Variants in PDCD1LG2 observed in about 807,000 individuals in gnomAD.
PDCD1LG2 encodes B7 dendritic cell molecule.
Under a neutral mutation model 28.2 loss-of-function variants are expected in PDCD1LG2, and 32 were observed. That is an observed-to-expected ratio of 1.13 (90% CI 0.86 to 1.52). PDCD1LG2 has a LOEUF of 1.52. Among genes scored for constraint, PDCD1LG2 ranks in the 40% most tolerant of loss-of-function variants. PDCD1LG2 has a pLI of 0.00. For synonymous variants in PDCD1LG2, 116 were observed against 120.2 expected, an observed-to-expected ratio of 0.97 and a Z score of 0.23; for missense variants, 385 against 323.8, an observed-to-expected ratio of 1.19 and a Z score of -1.45.
Position 5,543,340 on chromosome 9 carries a change from T to C in PDCD1LG2, c.362-5995T>C, listed in dbSNP as rs368261416. Among the ~76,000 whole-genome samples, 957 of 151,870 alleles carry C rather than the reference T, an allele frequency of 6.3e-3. 6 individuals carry two copies. Among genetic ancestry groups the C allele is most frequent in the Middle Eastern group, 0.017 (5 of 294 alleles). On this transcript the variant is annotated intron_variant, in intron 3 of 6. Transcript: ENST00000397747. The stretch of plus-strand genomic sequence containing the variant: ...AGATCACGAGGTCAGGAGATCAAGA[T>C]CATCCTGGCTAACACGGTGAAACCC...
chr9:5,529,206 C>T (rs904146637), intron 2 of PDCD1LG2, among the ~76,000 whole-genome samples: 2 of 152,162 alleles, frequency 1.3e-5, no homozygotes. Flanking sequence ...CTTTTGGTAT[C>T]ATATCCAAAA....
intron 3 of PDCD1LG2, among the ~76,000 whole-genome samples, chr9:5,537,224 G>A (rs564795151): frequency 2.6e-5 from 4 of 152,146 alleles, no homozygotes; most frequent in South Asian, 2.1e-4. Context: ...TTACTCATAC[G>A]AACAAGATTC....
chr9:5,520,014 T>A (rs1323481741), intron 1 of PDCD1LG2, among the ~76,000 whole-genome samples: 1 of 152,248 alleles, frequency 6.6e-6, no homozygotes. Context: ...TTCCCCAAAT[T>A]GATCTATGGA....
chr9:5,567,225 G>C (rs1015372160), intron 6 of PDCD1LG2, among the ~76,000 whole-genome samples: 5 of 152,174 alleles, frequency 3.3e-5, no homozygotes, highest in African/African-American at 1.2e-4. Flanking sequence ...TGTCTTAGTT[G>C]CCTTTCAAAG....
chr9:5,514,558 T>C (rs1262721619), intron 1 of PDCD1LG2, among the ~76,000 whole-genome samples: 1 of 152,026 alleles, frequency 6.6e-6, no homozygotes, highest in African/African-American at 2.4e-5. Context: ...TGCAATTGAG[T>C]AAATTGATAC....
Position 5,570,953 on chromosome 9 carries a change from G to T in PDCD1LG2, c.*994G>T, listed in dbSNP as rs1816758291. 4.3e-6 allele frequency: 1 copy of T among 232,652 alleles called. No homozygotes were observed. The highest frequency in any genetic ancestry group is 5.6e-5 in the Admixed American group (1 of 17,774). The allele number at this position is 232,652 out of a possible 1,614,324, so 14.4% of individuals were successfully genotyped here. A position where few individuals can be genotyped will look rare whatever the true frequency, so the allele number is the denominator to read the frequency against. On this transcript the variant is annotated 3_prime_UTR_variant, in exon 7 of 7. Coordinates refer to ENST00000397747, the MANE Select transcript of PDCD1LG2 (RefSeq NM_025239.4). Reference sequence around the variant, plus strand: ...CTGCAAGATCCCACTACATATGTGTGGAGCAGAAGGGTAACTCGGCTACAG... The same window carrying T: ...CTGCAAGATCCCACTACATATGTGTTGAGCAGAAGGGTAACTCGGCTACAG...
rs941236320 is a variant in PDCD1LG2 at position 5,522,596 on chromosome 9, T to C, written c.50T>C (p.Ile17Thr). ...MLSLELQLHQ[I>T]AALFTVTVPK... Reference sequence around the variant, plus strand: ...AGCCTGGAATTGCAGCTTCACCAGATAGCAGGTAAGAAAGGACAAAGGGAG... The same window carrying C: ...AGCCTGGAATTGCAGCTTCACCAGACAGCAGGTAAGAAAGGACAAAGGGAG... The change falls in exon 2 of 7, where the codon ATA (isoleucine) becomes ACA (threonine). Residue 17 changes from isoleucine (I) to threonine (T), a missense_variant. Physicochemically the swap from Ile to Thr is moderately conservative, Grantham distance 89. Transcript: ENST00000397747. 2 of 1,613,478 alleles carry C rather than the reference T, an allele frequency of 1.2e-6. No homozygotes were observed. The highest frequency in any genetic ancestry group is 2.7e-5 in the African/African-American group (2 of 74,892).
intron 1 of PDCD1LG2, among the ~76,000 whole-genome samples, chr9:5,516,292 T>A (rs1385689793): frequency 6.6e-6 from 1 of 152,132 alleles, no homozygotes; most frequent in Non-Finnish European, 1.5e-5. Context: ...ACCTCGTGAT[T>A]TTCCTGCCTC....
At position 5,518,211 on chromosome 9, in the gene PDCD1LG2, C is replaced by T. The variant is rs113069651; in HGVS notation, c.-14-4322C>T. Among the ~76,000 whole-genome samples the T allele has an allele frequency of 4.0e-3, 610 of 152,332 alleles. 2 individuals are homozygous for T. The highest frequency in any genetic ancestry group is 0.01 in the Middle Eastern group (3 of 294). On this transcript the variant is annotated intron_variant, in intron 1 of 6. Transcript: ENST00000397747. ...AAACCAGGATTAAACCCAGATGTGT[C>T]TGATTTTAGAGCCTGAGCTCTTACT...
intron 2 of PDCD1LG2, among the ~76,000 whole-genome samples, chr9:5,523,365 T>C (rs1190741791): frequency 3.3e-5 from 5 of 152,128 alleles, no homozygotes; most frequent in Non-Finnish European, 5.9e-5. Context: ...CTCAAGACAA[T>C]AGCCCCAGCC....
intron 5 of PDCD1LG2, among the ~76,000 whole-genome samples, chr9:5,558,389 T>C (rs1285930832): frequency 6.6e-6 from 1 of 152,220 alleles, no homozygotes; most frequent in African/African-American, 2.4e-5. Context: ...TCAGCCCTGA[T>C]TTCATTGCTT....
At chr9:5,519,861 G>T (rs1820241186) in intron 1 of PDCD1LG2, among the ~76,000 whole-genome samples, 1 of 152,098 alleles carries the variant, frequency 6.6e-6, no homozygotes, top group South Asian at 2.1e-4. Flanking sequence ...AATTTTCCCA[G>T]ATTTCCCTCT....
chr9:5,563,163 C>T lies in PDCD1LG2; in HGVS notation c.768C>T (p.Asp256=), dbSNP rs1395122038. The T allele has an allele frequency of 1.9e-6, 3 of 1,610,034 alleles. No homozygotes were observed. In the African/African-American group the frequency reaches 4.0e-5, roughly 22 times the overall value. Residue 256 remains aspartate (D), a splice_region_variant and synonymous_variant, in exon 6 of 7, where the codon GAC becomes GAT. Coordinates refer to ENST00000397747, the MANE Select transcript of PDCD1LG2 (RefSeq NM_025239.4). ...ATTTCTGGAATTTTTCCTTTTCAGA[C>T]ACAACAAAAAGACCTGTCACCACAA... ...QLCQKLYSSK[D]TTKRPVTTTK... is the part of the protein sequence containing the mutation.
chr9:5,557,888 T>G, intron 5 of PDCD1LG2, 136 bp downstream of exon 5: 3 of 1,086,500 alleles, frequency 2.8e-6, no homozygotes, highest in Non-Finnish European at 4.0e-6. Flanking sequence ...TGAGCTTGTC[T>G]TGATGATTAT....
intron 5 of PDCD1LG2, among the ~76,000 whole-genome samples, chr9:5,560,137 G>T (rs542363145): frequency 6.6e-6 from 1 of 152,198 alleles, no homozygotes; most frequent in East Asian, 1.9e-4. Flanking sequence ...AGTATACTCA[G>T]CACACAATCA....
intron 6 of PDCD1LG2, among the ~76,000 whole-genome samples, chr9:5,565,069 T>C (rs1586822545): frequency 6.6e-6 from 1 of 152,236 alleles, no homozygotes; most frequent in East Asian, 1.9e-4. Context: ...AGAGGTTAAC[T>C]AACTTGCCCA....
intron 2 of PDCD1LG2, among the ~76,000 whole-genome samples, chr9:5,528,763 T>C (rs1158077750): frequency 6.6e-6 from 1 of 152,206 alleles, no homozygotes; most frequent in East Asian, 1.9e-4. Context: ...TGAGACGCAG[T>C]CTCCATCAGT....
chr9:5,550,988 C>T (rs1004833307), intron 4 of PDCD1LG2, among the ~76,000 whole-genome samples: 3 of 152,152 alleles, frequency 2.0e-5, no homozygotes, highest in African/African-American at 7.2e-5. Context: ...CCATCATGAT[C>T]AGCCACATCT....
chr9:5,542,242 C>T (rs775152514), intron 3 of PDCD1LG2, among the ~76,000 whole-genome samples: 2 of 152,018 alleles, frequency 1.3e-5, no homozygotes, highest in African/African-American at 2.4e-5. Flanking sequence ...AAGATAACAT[C>T]GAAAAAGCCC....
Sources: gnomAD v4.1 joint callset for allele counts (sites outside exome capture counted in the v4.1 genomes callset) on GRCh38, gnomAD v4.1.1 for gene constraint, MANE v1.5 for transcripts, NCBI Gene and HGNC (gene_info 2026-07-23, HGNC 2026-07-21) for gene names.